CDC42SE2: variants seen among roughly 807,000 people sequenced by gnomAD.
CDC42SE2 encodes CDC42 small effector protein 2.
Under a neutral mutation model 11.5 loss-of-function variants are expected in CDC42SE2, and 3 were observed. The ratio of observed to expected loss-of-function variants is 0.26; its 90% CI spans 0.12 to 0.67. CDC42SE2 has a LOEUF of 0.67. Ranked by LOEUF, CDC42SE2 falls within the 30% of genes least tolerant of loss-of-function variation. CDC42SE2 has a pLI of 0.80. For synonymous variants in CDC42SE2, 33 were observed against 34.8 expected, an observed-to-expected ratio of 0.95 and a Z score of 0.18; for missense variants, 82 against 106.8, an observed-to-expected ratio of 0.77 and a Z score of 1.02.
At chr5:131,372,927 T>C (rs968226646) in intron 3 of CDC42SE2, among the ~76,000 whole-genome samples, 4 of 152,186 alleles carry the variant, frequency 2.6e-5, no homozygotes, top group African/African-American at 9.6e-5. Flanking sequence ...AATGCTCTTA[T>C]TATGGATGTT....
chr5:131,289,989 C>T (rs1349622518), intron 1 of CDC42SE2, among the ~76,000 whole-genome samples: 1 of 152,028 alleles, frequency 6.6e-6, no homozygotes, highest in Non-Finnish European at 1.5e-5. Flanking sequence ...ATCACAGGTG[C>T]GTGCCACCAT....
intron 1 of CDC42SE2, among the ~76,000 whole-genome samples, chr5:131,290,553 A>G (rs1281692069): frequency 1.4e-5 from 2 of 148,004 alleles, no homozygotes; most frequent in South Asian, 2.1e-4. Flanking sequence ...CGCGGGGTCA[A>G]TGGCAGCCTC....
At chr5:131,326,512 A>G (rs949852968) in intron 2 of CDC42SE2, among the ~76,000 whole-genome samples, 3 of 152,054 alleles carry the variant, frequency 2.0e-5, no homozygotes, top group African/African-American at 4.8e-5. Context: ...AATAATATGT[A>G]TTCTCTGATT....
chr5:131,286,164 C>T (rs963909067), intron 1 of CDC42SE2, among the ~76,000 whole-genome samples: 3 of 151,222 alleles, frequency 2.0e-5, no homozygotes, highest in African/African-American at 7.3e-5. Flanking sequence ...AAGCAATCCT[C>T]CTGGGCCCAA....
chr5:131,292,906 C>CAAAAAAAAAAAA lies in CDC42SE2; in HGVS notation c.-454-23053_-454-23042dup, dbSNP rs869300653. ...TGGGTGACAGTGCGAGACCCTGTCT[C>CAAAAAAAAAAAA]AAAAAAAAAAAAAAAAAAAAAAAAA... On this transcript the variant is annotated intron_variant, in intron 1 of 4. Transcript: ENST00000505065. Among the ~76,000 whole-genome samples, 5 of 58,914 alleles carry CAAAAAAAAAAAA rather than the reference C, an allele frequency of 8.5e-5. 1 individual carries two copies. The highest frequency in any genetic ancestry group is 5.1e-4 in the African/African-American group (5 of 9,846). 38.6% of individuals were successfully genotyped at this position (58,914 alleles called of 152,430 possible).
intron 3 of CDC42SE2, among the ~76,000 whole-genome samples, chr5:131,359,938 G>T (rs1749660574): frequency 6.6e-6 from 1 of 152,094 alleles, no homozygotes; most frequent in Non-Finnish European, 1.5e-5. Context: ...ATTTTCCTCA[G>T]AGCAACCCTC....
At chr5:131,375,031 C>CTT (rs371146670) in intron 3 of CDC42SE2, among the ~76,000 whole-genome samples, 3 of 138,636 alleles carry the variant, frequency 2.2e-5, no homozygotes, top group African/African-American at 5.3e-5. Context: ...TTCTCCCCTC[C>CTT]TTTTTTTTTT....
chr5:131,307,801 A>G (rs969066088), intron 1 of CDC42SE2, among the ~76,000 whole-genome samples: 42 of 152,218 alleles, frequency 2.8e-4, no homozygotes, highest in African/African-American at 1.0e-3. Context: ...TTTGATTTGC[A>G]TTTCTCTGAT....
intron 2 of CDC42SE2, among the ~76,000 whole-genome samples, chr5:131,345,586 T>A (rs915794322): frequency 3.3e-5 from 5 of 152,294 alleles, no homozygotes; most frequent in African/African-American, 1.2e-4. Context: ...CAGGGTATTA[T>A]TCAGGAGAAC....
chr5:131,353,962 A>T (rs986692688), intron 2 of CDC42SE2, among the ~76,000 whole-genome samples: 3 of 151,014 alleles, frequency 2.0e-5, no homozygotes, highest in African/African-American at 7.3e-5. Context: ...CATAGTGGCC[A>T]GGCATTGTGG....
chr5:131,259,223 C>G (rs1221458823), upstream of CDC42SE2, among the ~76,000 whole-genome samples: 1 of 152,102 alleles, frequency 6.6e-6, no homozygotes, highest in African/African-American at 2.4e-5. Context: ...TTGCCTGTAC[C>G]TTATAATTTT....
At chr5:131,220,940 G>A in the CDC42SE2 span, among the ~76,000 whole-genome samples, 7 of 148,112 alleles carry the variant, frequency 4.7e-5, no homozygotes, top group Non-Finnish European at 7.4e-5. Context: ...GCTAAAGTGC[G>A]GTGGCGCGAT....
chr5:131,336,257 A>T (rs4277909), intron 2 of CDC42SE2, among the ~76,000 whole-genome samples: 1 of 151,944 alleles, frequency 6.6e-6, no homozygotes, highest in South Asian at 2.1e-4. Context: ...TGAAATGCTG[A>T]GTTGAAAATT....
At chr5:131,321,050 T>C (rs1758176776) in intron 2 of CDC42SE2, among the ~76,000 whole-genome samples, 1 of 152,174 alleles carries the variant, frequency 6.6e-6, no homozygotes, top group African/African-American at 2.4e-5. Flanking sequence ...AATGCCTTAT[T>C]AGAGGGAGTA....
At chr5:131,299,669 T>G (rs1227474407) in intron 1 of CDC42SE2, among the ~76,000 whole-genome samples, 1 of 152,048 alleles carries the variant, frequency 6.6e-6, no homozygotes, top group Non-Finnish European at 1.5e-5. Context: ...AAAAGACAAC[T>G]AGGCTGGAGA....
At chr5:131,261,079 T>C (rs990238872), upstream of CDC42SE2, among the ~76,000 whole-genome samples, 1 of 152,258 alleles carries the variant, frequency 6.6e-6, no homozygotes, top group African/African-American at 2.4e-5. Flanking sequence ...TATTTAGCAG[T>C]TGGTTAGAAC....
upstream of CDC42SE2, among the ~76,000 whole-genome samples, chr5:131,262,843 A>C (rs567935303): frequency 6.6e-6 from 1 of 152,192 alleles, no homozygotes; most frequent in Non-Finnish European, 1.5e-5. Flanking sequence ...GGTTGAATCC[A>C]GAAACGCAGA....
chr5:131,271,021 C>T (rs558541455), intron 1 of CDC42SE2, among the ~76,000 whole-genome samples: 21 of 152,110 alleles, frequency 1.4e-4, no homozygotes, highest in African/African-American at 4.3e-4. Flanking sequence ...TCTGAGTTGG[C>T]GAGGTTGTGC....
chr5:131,330,621 C>G (rs1243805422), intron 2 of CDC42SE2, among the ~76,000 whole-genome samples: 2 of 152,090 alleles, frequency 1.3e-5, no homozygotes, highest in African/African-American at 4.8e-5. Flanking sequence ...TTGGTTGTCA[C>G]AACAGGTGGA....
Sources: gnomAD v4.1 joint callset for allele counts (sites outside exome capture counted in the v4.1 genomes callset) on GRCh38, gnomAD v4.1.1 for gene constraint, MANE v1.5 for transcripts, NCBI Gene and HGNC (gene_info 2026-07-23, HGNC 2026-07-21) for gene names.